DOCK3: variants seen among roughly 807,000 people sequenced by gnomAD.
DOCK3 encodes the protein dedicator of cytokinesis protein 3.
DOCK3 carries 60 observed loss-of-function variants against 265.6 expected under a neutral mutation model. The observed-to-expected ratio is 0.23, with a 90% confidence interval of 0.18 to 0.28. The LOEUF is 0.28. DOCK3 is among the 10% of genes least tolerant of loss of function. The pLI is 1.00. For synonymous variants in DOCK3, 881 were observed against 938.0 expected, an observed-to-expected ratio of 0.94 and a Z score of 1.11; for missense variants, 1,981 against 2,594.3, an observed-to-expected ratio of 0.76 and a Z score of 5.14.
chr3:50,744,721 C>T (rs1454021669), intron 1 of DOCK3, among the ~76,000 whole-genome samples: 1 of 152,182 alleles, frequency 6.6e-6, no homozygotes, highest in African/African-American at 2.4e-5. Flanking sequence ...AGGCGTGAGC[C>T]ACTGTATCTG....
intron 9 of DOCK3, among the ~76,000 whole-genome samples, chr3:51,142,429 T>A (rs1001695923): frequency 1.3e-5 from 2 of 152,182 alleles, no homozygotes; most frequent in African/African-American, 4.8e-5. Context: ...TAGCAACTGA[T>A]TTGATTTCTG....
chr3:50,724,282 TG>T (rs2037672202), intron 1 of DOCK3, among the ~76,000 whole-genome samples: 1 of 152,196 alleles, frequency 6.6e-6, no homozygotes, highest in Non-Finnish European at 1.5e-5. Context: ...TGGAAGACTG[TG>T]TGGCAATTCC....
chr3:51,249,034 G>T (rs199598521), intron 22 of DOCK3, among the ~76,000 whole-genome samples: 3 of 148,812 alleles, frequency 2.0e-5, no homozygotes, highest in African/African-American at 7.5e-5. Context: ...CTCTCCGCCC[G>T]GCAGCCACCC....
intron 16 of DOCK3, 106 bp from the exon 17 acceptor site, chr3:51,227,876 G>A: frequency 8.9e-7 from 1 of 1,118,192 alleles, no homozygotes; most frequent in Admixed American, 2.1e-5. Context: ...CCTAGTTAAT[G>A]AAAGAGGCGA....
In DOCK3 at chr3:51,176,620, C is replaced by T. The variant is rs571888531; in HGVS notation, c.1037+15918C>T. Among the ~76,000 whole-genome samples the T allele has an allele frequency of 2.6e-5, 4 of 151,552 alleles. No individual in the cohort carries two copies. The South Asian group carries it at 6.3e-4, about 24-fold the overall frequency. ...CAGCCTGGGCAACAGAGCGAGACTC[C>T]GTCTCAAAAAAAAAAAGTGGTTGCT... On this transcript the variant is annotated intron_variant, in intron 12 of 52. Coordinates refer to ENST00000266037, the MANE Select transcript of DOCK3 (RefSeq NM_004947.5).
rs537017218 is a variant in DOCK3, at chr3:51,119,312, T to C, written c.747-27237T>C. Among the ~76,000 whole-genome samples, 15 of 152,354 alleles carry C rather than the reference T, an allele frequency of 9.8e-5. 1 individual carries two copies. In the South Asian group the frequency reaches 3.1e-3, roughly 32 times the overall value. ...TTGGCCCCCACTCTCTTCTGGCTTATACGGTTTCTACAGAGAGATCTGCTG... is the reference window on the plus strand; with the variant it reads ...TTGGCCCCCACTCTCTTCTGGCTTACACGGTTTCTACAGAGAGATCTGCTG... On this transcript the variant is annotated intron_variant, in intron 9 of 52. Coordinates refer to ENST00000266037, the MANE Select transcript of DOCK3 (RefSeq NM_004947.5).
At chr3:51,134,189 A>G (rs2084691107) in intron 9 of DOCK3, among the ~76,000 whole-genome samples, 1 of 152,050 alleles carries the variant, frequency 6.6e-6, no homozygotes. Context: ...ATTGATGGGC[A>G]TTTAGGTTGA....
At chr3:50,820,824 CTT>C (rs56022017) in intron 2 of DOCK3, among the ~76,000 whole-genome samples, 4 of 131,222 alleles carry the variant, frequency 3.0e-5, no homozygotes, top group Admixed American at 7.7e-5. Flanking sequence ...TTGCTGGCAT[CTT>C]TTTTTTTTTT....
intron 3 of DOCK3, among the ~76,000 whole-genome samples, chr3:50,858,245 A>G (rs1469738837): frequency 1.3e-5 from 2 of 152,076 alleles, no homozygotes; most frequent in Non-Finnish European, 2.9e-5. Flanking sequence ...ACTTGGACAC[A>G]GGACGGGGAA....
At chr3:50,886,384 T>C (rs1559769625) in intron 3 of DOCK3, among the ~76,000 whole-genome samples, 1 of 151,918 alleles carries the variant, frequency 6.6e-6, no homozygotes, top group East Asian at 1.9e-4. Flanking sequence ...TACGTGCAGT[T>C]GCTTTTTAAA....
At chr3:51,248,174 T>C (rs1451048506) in intron 22 of DOCK3, among the ~76,000 whole-genome samples, 1 of 152,130 alleles carries the variant, frequency 6.6e-6, no homozygotes, top group African/African-American at 2.4e-5. Flanking sequence ...ATACAATATA[T>C]GTAAAACAGA....
intron 12 of DOCK3, among the ~76,000 whole-genome samples, chr3:51,207,881 G>A (rs1378436774): frequency 6.6e-6 from 1 of 152,048 alleles, no homozygotes; most frequent in African/African-American, 2.4e-5. Flanking sequence ...CAGGGCTGTG[G>A]GAACTCCCTA....
intron 1 of DOCK3, among the ~76,000 whole-genome samples, chr3:50,716,514 C>T (rs1482812636): frequency 2.7e-5 from 4 of 150,404 alleles, no homozygotes; most frequent in Non-Finnish European, 5.9e-5. Context: ...GGCGACAGAG[C>T]GAGACTCCGT....
At chr3:50,793,025 A>C (rs1275915073) in intron 2 of DOCK3, among the ~76,000 whole-genome samples, 1 of 152,132 alleles carries the variant, frequency 6.6e-6, no homozygotes, top group Non-Finnish European at 1.5e-5. Context: ...TTGGCTGTGA[A>C]TTTGTCTGGT....
chr3:50,676,400 CT>C (rs1306389692), intron 1 of DOCK3, among the ~76,000 whole-genome samples: 1 of 152,170 alleles, frequency 6.6e-6, no homozygotes, highest in Non-Finnish European at 1.5e-5. Flanking sequence ...TAAAAGGTAA[CT>C]TTCTGAAACA....
intron 5 of DOCK3, among the ~76,000 whole-genome samples, chr3:51,008,375 A>G (rs565420220): frequency 5.6e-4 from 85 of 152,166 alleles, no homozygotes; most frequent in African/African-American, 2.0e-3. Flanking sequence ...TAGGTATTTT[A>G]TTCTCTTTGA....
At chr3:51,106,064 G>A (rs1275865688) in intron 9 of DOCK3, among the ~76,000 whole-genome samples, 1 of 152,220 alleles carries the variant, frequency 6.6e-6, no homozygotes, top group Non-Finnish European at 1.5e-5. Context: ...TGGTGTGGGA[G>A]CATCTGTAGT....
chr3:51,145,175 C>T (rs1419469755), intron 9 of DOCK3, among the ~76,000 whole-genome samples: 1 of 151,888 alleles, frequency 6.6e-6, no homozygotes, highest in Non-Finnish European at 1.5e-5. Flanking sequence ...TTTGAATTTC[C>T]ACCAAAATTT....
At chr3:50,682,263 T>G (rs2034463937) in intron 1 of DOCK3, among the ~76,000 whole-genome samples, 2 of 152,226 alleles carry the variant, frequency 1.3e-5, no homozygotes, top group South Asian at 4.1e-4. Flanking sequence ...ACTTTACACT[T>G]TAGCCAAACT....
Sources: gnomAD v4.1 joint callset for allele counts (sites outside exome capture counted in the v4.1 genomes callset) on GRCh38, gnomAD v4.1.1 for gene constraint, MANE v1.5 for transcripts, NCBI Gene and HGNC (gene_info 2026-07-23, HGNC 2026-07-21) for gene names.